KAZN: variants seen among roughly 807,000 people sequenced by gnomAD.
The protein encoded by KAZN is kazrin.
A neutral mutation model predicts 87.4 loss-of-function variants in KAZN; 40 were observed. The observed-to-expected ratio is 0.46, with a 90% CI of 0.36 to 0.60. The LOEUF (loss-of-function observed/expected upper bound fraction) is 0.60. Ranked by LOEUF, KAZN falls within the 20% of genes least tolerant of loss-of-function variation. The pLI is 0.00. For missense variants in KAZN, 898 were observed against 1,073.9 expected (o/e 0.84, Z 2.29); for synonymous variants, 466 against 458.3 (o/e 1.02, Z -0.22).
chr1:14,411,966 T>C (rs1233977448), intron 2 of KAZN, among the ~76,000 whole-genome samples: 1 of 152,230 alleles, frequency 6.6e-6, no homozygotes, highest in Non-Finnish European at 1.5e-5. Flanking sequence ...ATTCTGGTCA[T>C]TGCCCCCTGT....
At chr1:14,188,856 T>A (rs534840087) in intron 2 of KAZN, among the ~76,000 whole-genome samples, 1 of 152,274 alleles carries the variant, frequency 6.6e-6, no homozygotes, top group African/African-American at 2.4e-5. Context: ...TTCTTATCCG[T>A]TATTTAGTAT....
At chr1:14,627,449 C>G (rs1679227080) in intron 1 of KAZN, among the ~76,000 whole-genome samples, 1 of 152,068 alleles carries the variant, frequency 6.6e-6, no homozygotes, top group East Asian at 1.9e-4. Context: ...CTGGGAGGCC[C>G]GAGGAGGCAT....
intron 1 of KAZN, among the ~76,000 whole-genome samples, chr1:14,622,645 C>T (rs528413201): frequency 2.9e-4 from 42 of 145,734 alleles, no homozygotes; most frequent in East Asian, 1.0e-3. Context: ...GAGCGGAGAT[C>T]GACCACTGCA....
intron 2 of KAZN, among the ~76,000 whole-genome samples, chr1:14,304,996 A>G (rs1654823054): frequency 2.6e-5 from 4 of 152,024 alleles, no homozygotes; most frequent in African/African-American, 7.2e-5. Flanking sequence ...GCCTTTGAGA[A>G]AAGGATTCTC....
intron 1 of KAZN, among the ~76,000 whole-genome samples, chr1:14,021,951 T>C (rs140210479): frequency 0.012 from 1,313 of 110,552 alleles, 15 homozygotes; most frequent in African/African-American, 0.042. Context: ...TGAATGAACA[T>C]GCTTTTTTTT....
intron 1 of KAZN, among the ~76,000 whole-genome samples, chr1:14,950,802 A>G (rs1662388689): frequency 1.3e-5 from 2 of 152,080 alleles, no homozygotes; most frequent in Non-Finnish European, 2.9e-5. Flanking sequence ...CAGGGAAAAG[A>G]TGGAAATGGG....
intron 4 of KAZN, among the ~76,000 whole-genome samples, chr1:15,052,345 G>A (rs914528084): frequency 2.6e-5 from 4 of 152,138 alleles, no homozygotes; most frequent in African/African-American, 7.2e-5. Context: ...AGCATGTGCA[G>A]GGGAACTGCC....
intron 1 of KAZN, among the ~76,000 whole-genome samples, chr1:14,113,839 T>C (rs987906720): frequency 6.6e-6 from 1 of 152,192 alleles, no homozygotes; most frequent in African/African-American, 2.4e-5. Context: ...GGGCTTTGCA[T>C]GGTGGAAACT....
At chr1:14,686,414 C>A (rs998461935) in intron 1 of KAZN, among the ~76,000 whole-genome samples, 1 of 152,210 alleles carries the variant, frequency 6.6e-6, no homozygotes, top group Non-Finnish European at 1.5e-5. Flanking sequence ...TGATACCATC[C>A]CACATTGCTG....
intron 1 of KAZN, among the ~76,000 whole-genome samples, chr1:14,673,425 A>G (rs1337432294): frequency 6.6e-6 from 1 of 152,194 alleles, no homozygotes; most frequent in African/African-American, 2.4e-5. Flanking sequence ...TGGGCTTGTG[A>G]TAATTTGATT....
chr1:14,395,349 T>G (rs538820394), intron 2 of KAZN, among the ~76,000 whole-genome samples: 1 of 152,272 alleles, frequency 6.6e-6, no homozygotes, highest in Non-Finnish European at 1.5e-5. Context: ...TCCACTTTTT[T>G]TTAAGTGCTT....
chr1:15,088,143 A>G (rs1396591537), intron 8 of KAZN, among the ~76,000 whole-genome samples: 1 of 152,232 alleles, frequency 6.6e-6, no homozygotes, highest in Admixed American at 6.5e-5. Context: ...GCCTGTCTCA[A>G]CGTCTCAACT....
chr1:13,948,166 G>C (rs1432347399), intron 1 of KAZN, among the ~76,000 whole-genome samples: 2 of 152,180 alleles, frequency 1.3e-5, no homozygotes, highest in African/African-American at 2.4e-5. Flanking sequence ...TACAGGTATA[G>C]AAGAGAAAGA....
intron 2 of KAZN, among the ~76,000 whole-genome samples, chr1:14,368,783 C>T (rs1270315066): frequency 2.0e-5 from 3 of 152,320 alleles, no homozygotes; most frequent in Admixed American, 2.0e-4. Flanking sequence ...AAGCAACTCA[C>T]TCAATTTACA....
chr1:14,357,271 T>TTGTG lies in KAZN; in HGVS notation c.249+176682_249+176683insGTGT, dbSNP rs1330961866. On this transcript the variant is annotated intron_variant, in intron 2 of 16. Coordinates refer to the KAZN transcript ENST00000636203. Reference sequence around the variant, plus strand: ...TGCTTGTGATTTTTGCATATTGATTTTGTATCCTGAGACTTTGCTGAAGTT... The same window carrying TTGTG: ...TGCTTGTGATTTTTGCATATTGATTTTGTGTGTATCCTGAGACTTTGCTGAAGTT... Among the ~76,000 whole-genome samples the TTGTG allele has an allele frequency of 2.6e-5, 4 of 152,208 alleles. No individual in the cohort carries two copies. In the East Asian group the frequency reaches 7.7e-4, roughly 29 times the overall value.
At chr1:13,913,136 T>C (rs1639714285) in intron 1 of KAZN, among the ~76,000 whole-genome samples, 1 of 152,130 alleles carries the variant, frequency 6.6e-6, no homozygotes, top group Non-Finnish European at 1.5e-5. Context: ...AAGCATCTAC[T>C]GGTTTCCCCC....
rs370801951 is a variant in KAZN at position 14,184,690 on chromosome 1, G to A, written c.249+4098G>A. 5.1e-4 allele frequency among the ~76,000 whole-genome samples: 78 copies of A among 152,248 alleles called. 1 individual carries two copies. The Middle Eastern group carries it at 0.01, about 20-fold the overall frequency. The stretch of plus-strand genomic sequence containing the variant: ...AATTGGTTTCTGGCAAAACTGGGCC[G>A]ATTGAACATGATCAGCTATTTTAGC... On this transcript the variant is annotated intron_variant, in intron 2 of 16. Transcript: ENST00000636203. The surrounding 1 kb of genome is among the most constrained non-coding windows in gnomAD (Gnocchi z 4.2).
chr1:14,523,099 G>A (rs1671672876), intron 2 of KAZN, among the ~76,000 whole-genome samples: 1 of 152,190 alleles, frequency 6.6e-6, no homozygotes, highest in Admixed American at 6.5e-5. Context: ...TGAGGCTGCG[G>A]CTTCCACACC....
At chr1:14,738,484 G>A (rs959060232) in intron 1 of KAZN, among the ~76,000 whole-genome samples, 3 of 152,038 alleles carry the variant, frequency 2.0e-5, no homozygotes, top group Non-Finnish European at 4.4e-5. Flanking sequence ...AAATGGAATT[G>A]TCTCCAAGCA....
Sources: allele counts gnomAD v4.1 joint callset (sites outside exome capture counted in the v4.1 genomes callset), GRCh38; gene constraint gnomAD v4.1.1; non-coding constraint Gnocchi (gnomAD v3.1); transcripts MANE v1.5; gene names NCBI Gene and HGNC (gene_info 2026-07-23, HGNC 2026-07-21).